CCBE1: variants seen among roughly 807,000 people sequenced by gnomAD.
The protein encoded by CCBE1 is collagen and calcium binding EGF domains 1.
A neutral mutation model predicts 50.0 loss-of-function variants in CCBE1; 37 were observed. The observed-to-expected ratio is 0.74, with a 90% CI of 0.57 to 0.97. The LOEUF is 0.97. CCBE1 is among the 50% of genes least tolerant of loss of function. CCBE1 has a pLI of 0.00. For missense variants in CCBE1, 538 were observed against 523.8 expected (o/e 1.03, Z -0.26); for synonymous variants, 234 against 203.7 (o/e 1.15, Z -1.27).
At chr18:59,494,331 G>A (rs1190280085) in intron 2 of CCBE1, among the ~76,000 whole-genome samples, 2 of 152,138 alleles carry the variant, frequency 1.3e-5, no homozygotes, top group Non-Finnish European at 2.9e-5. Context: ...TTCCTCTGGG[G>A]AATAATTTTC....
intron 2 of CCBE1, among the ~76,000 whole-genome samples, chr18:59,547,532 A>G (rs938594437): frequency 1.3e-5 from 2 of 152,188 alleles, no homozygotes; most frequent in Admixed American, 6.5e-5. Context: ...AGAACAGAGC[A>G]ATTTAAATTA....
chr18:59,626,058 A>G lies in CCBE1; in HGVS notation c.212+70571T>C, dbSNP rs543704350. On this transcript the variant is annotated intron_variant, in intron 2 of 10. Coordinates refer to ENST00000439986, the MANE Select transcript of CCBE1 (RefSeq NM_133459.4). Reference sequence around the variant, plus strand: ...TAGACTAAGACAGTAACATAAGAAAATCCTGGGGGCTAAAAATGCTACATA... The same window carrying G: ...TAGACTAAGACAGTAACATAAGAAAGTCCTGGGGGCTAAAAATGCTACATA... Among the ~76,000 whole-genome samples, 16 of 152,336 alleles carry G rather than the reference A, an allele frequency of 1.1e-4. No homozygotes were observed. The South Asian group carries it at 3.3e-3, about 32-fold the overall frequency.
At chr18:59,512,445 C>A (rs755235466) in intron 2 of CCBE1, among the ~76,000 whole-genome samples, 1 of 152,248 alleles carries the variant, frequency 6.6e-6, no homozygotes, top group Non-Finnish European at 1.5e-5. Flanking sequence ...ACAGTGCCTG[C>A]TGCATGCCCT....
intron 2 of CCBE1, among the ~76,000 whole-genome samples, chr18:59,514,685 C>T (rs954082891): frequency 1.4e-5 from 2 of 143,218 alleles, no homozygotes; most frequent in Non-Finnish European, 3.0e-5. Flanking sequence ...CTAATCTAAG[C>T]GGCATCTGCT....
intron 2 of CCBE1, among the ~76,000 whole-genome samples, chr18:59,674,064 T>C (rs2054467415): frequency 6.6e-6 from 1 of 152,192 alleles, no homozygotes; most frequent in Admixed American, 6.5e-5. Context: ...TATGAATCCG[T>C]CTGGTCCCAG....
intron 2 of CCBE1, among the ~76,000 whole-genome samples, chr18:59,485,903 A>AT (rs201348941): frequency 0.076 from 11,045 of 145,282 alleles, 829 homozygotes; most frequent in East Asian, 0.33. Context: ...GCCCGGCCAG[A>AT]TTTTTTTTTT....
At chr18:59,446,653 G>A (rs754350454) in intron 7 of CCBE1, among the ~76,000 whole-genome samples, 2 of 152,296 alleles carry the variant, frequency 1.3e-5, no homozygotes, top group Non-Finnish European at 2.9e-5. Flanking sequence ...CTTTCCAACC[G>A]AAAACCCACC....
chr18:59,458,329 A>G (rs1465926302), intron 5 of CCBE1, among the ~76,000 whole-genome samples: 4 of 152,218 alleles, frequency 2.6e-5, no homozygotes, highest in Non-Finnish European at 4.4e-5. Context: ...GTAAGTGAGG[A>G]TATCTGTTTA....
At chr18:59,692,266 C>T (rs532066239) in intron 2 of CCBE1, among the ~76,000 whole-genome samples, 7 of 152,276 alleles carry the variant, frequency 4.6e-5, no homozygotes, top group East Asian at 1.9e-4. Context: ...TCCTATGTGT[C>T]GTGAATTTTT....
At chr18:59,559,261 C>G (rs2052698523) in intron 2 of CCBE1, among the ~76,000 whole-genome samples, 1 of 152,228 alleles carries the variant, frequency 6.6e-6, no homozygotes. Context: ...GTGTTTCTGA[C>G]TGCACTGTGG....
chr18:59,459,590 C>T (rs1032378816), intron 5 of CCBE1, among the ~76,000 whole-genome samples: 2 of 152,080 alleles, frequency 1.3e-5, no homozygotes, highest in African/African-American at 2.4e-5. Flanking sequence ...CTGAAGTTGA[C>T]CAGGACGTCT....
chr18:59,456,443 A>G (rs1911198182), intron 5 of CCBE1, among the ~76,000 whole-genome samples: 1 of 152,218 alleles, frequency 6.6e-6, no homozygotes, highest in Admixed American at 6.5e-5. Flanking sequence ...AAACTTGCGC[A>G]CAGGAAGAAT....
intron 2 of CCBE1, among the ~76,000 whole-genome samples, chr18:59,497,684 CCA>C (rs1913419466): frequency 6.6e-6 from 1 of 152,294 alleles, no homozygotes; most frequent in South Asian, 2.1e-4. Flanking sequence ...CTCCAACCAC[CCA>C]GGTACCCCTC....
At chr18:59,518,158 G>C (rs933416502) in intron 2 of CCBE1, among the ~76,000 whole-genome samples, 18 of 152,180 alleles carry the variant, frequency 1.2e-4, no homozygotes, top group Admixed American at 3.9e-4. Flanking sequence ...TATTCAGTCA[G>C]TTTTTACACA....
intron 2 of CCBE1, among the ~76,000 whole-genome samples, chr18:59,552,502 A>G (rs1299259301): frequency 6.6e-6 from 1 of 152,206 alleles, no homozygotes; most frequent in Non-Finnish European, 1.5e-5. Flanking sequence ...AGGTTTTGGC[A>G]GCACCTGGAG....
intron 6 of CCBE1, among the ~76,000 whole-genome samples, chr18:59,449,991 C>G (rs906481081): frequency 2.0e-5 from 3 of 152,182 alleles, no homozygotes; most frequent in Admixed American, 6.5e-5. Context: ...AATGAAGGCA[C>G]TGGCACTTTA....
chr18:59,436,327 C>G (rs1568137338), intron 10 of CCBE1, among the ~76,000 whole-genome samples, 186 bp from the exon 11 acceptor site: 1 of 152,168 alleles, frequency 6.6e-6, no homozygotes, highest in Non-Finnish European at 1.5e-5. Flanking sequence ...TCTGTCACTT[C>G]TCAGCTGAGC....
intron 2 of CCBE1, among the ~76,000 whole-genome samples, chr18:59,639,840 T>C (rs1179409731): frequency 6.6e-6 from 1 of 152,302 alleles, no homozygotes; most frequent in Middle Eastern, 3.4e-3. Flanking sequence ...CGTTCCTATA[T>C]GCTAACAACA....
intron 2 of CCBE1, among the ~76,000 whole-genome samples, chr18:59,686,611 A>G (rs2054657700): frequency 6.6e-6 from 1 of 152,160 alleles, no homozygotes; most frequent in Non-Finnish European, 1.5e-5. Context: ...TCCTCACCTC[A>G]AAGCCTTTTG....
Sources: gnomAD v4.1 joint callset for allele counts (sites outside exome capture counted in the v4.1 genomes callset) on GRCh38, gnomAD v4.1.1 for gene constraint, MANE v1.5 for transcripts, NCBI Gene and HGNC (gene_info 2026-07-23, HGNC 2026-07-21) for gene names.